SDK2: variants seen among roughly 807,000 people sequenced by gnomAD.
SDK2 encodes the protein protein sidekick-2.
A neutral mutation model predicts 253.9 loss-of-function variants in SDK2; 105 were observed. That is an observed-to-expected ratio of 0.41 (90% CI 0.35 to 0.49). The LOEUF (loss-of-function observed/expected upper bound fraction) is 0.49. SDK2 is among the 20% of genes least tolerant of loss of function. The pLI, the probability that SDK2 is intolerant of heterozygous loss-of-function variation, is 0.06. For synonymous variants in SDK2, 1,249 were observed against 1,234.9 expected (o/e 1.01, Z -0.24); for missense variants, 2,608 against 3,003.0 (o/e 0.87, Z 3.07).
chr17:73,495,482 G>T (rs1373405565), intron 2 of SDK2, among the ~76,000 whole-genome samples: 4 of 152,216 alleles, frequency 2.6e-5, no homozygotes, highest in Non-Finnish European at 4.4e-5. Context: ...CAGTGCTGAG[G>T]CTGAGAAGCC....
chr17:73,509,758 G>A (rs1484824495), intron 1 of SDK2, among the ~76,000 whole-genome samples: 2 of 150,880 alleles, frequency 1.3e-5, no homozygotes, highest in Admixed American at 6.6e-5. Context: ...AAATTAGCTG[G>A]GCATGGTGGC....
At chr17:73,347,351 A>G (rs1196394839) in intron 44 of SDK2, among the ~76,000 whole-genome samples, 2 of 152,168 alleles carry the variant, frequency 1.3e-5, no homozygotes, top group Non-Finnish European at 2.9e-5. Flanking sequence ...CTGGCTTAAC[A>G]ACAAAAAAAC....
At position 73,454,552 on chromosome 17, in the gene SDK2, G is replaced by A. The variant is rs1023723315; in HGVS notation, c.479+1354C>T. Among the ~76,000 whole-genome samples the A allele has an allele frequency of 2.8e-4, 42 of 152,312 alleles. 1 individual carries two copies. The highest frequency in any genetic ancestry group is 8.4e-4 in the African/African-American group (35 of 41,564). ...CGCCTCCTTTCTGCAGGTGCTCTGC[G>A]GACTGGAAGGAGAACGAGATTGAGA... On this transcript the variant is annotated intron_variant, in intron 4 of 44. Transcript: ENST00000392650.
In SDK2 at chr17:73,447,486, C is replaced by G; in HGVS notation, c.613+129G>C. On this transcript the variant is annotated intron_variant, in intron 5 of 44. Coordinates refer to ENST00000392650, the MANE Select transcript of SDK2 (RefSeq NM_001144952.2). The surrounding 1 kb of genome is among the most constrained non-coding windows in gnomAD (Gnocchi z 4.0). ...TGTCTCGTCCTCCTTGGGAAGGCTC[C>G]CCCCGGCCGTCCCCTAGCTTCCCTG... 1 of 1,349,174 alleles carries G rather than the reference C, an allele frequency of 7.4e-7. No individual in the cohort carries two copies. Among genetic ancestry groups the G allele is most frequent in the Non-Finnish European group, 1.0e-6 (1 of 982,068 alleles). 83.6% of individuals were successfully genotyped at this position (1,349,174 alleles called of 1,614,324 possible). A position where few individuals can be genotyped will look rare whatever the true frequency, so the allele number is the denominator to read the frequency against.
At chr17:73,348,566 C>A in intron 44 of SDK2, 33 bp downstream of exon 44, 1 of 1,607,100 alleles carries the variant, frequency 6.2e-7, no homozygotes, top group East Asian at 2.2e-5. Context: ...TGCTCCCTGC[C>A]CCCTGCAGGA....
At chr17:73,373,097 C>T (rs1485394566) in intron 36 of SDK2, among the ~76,000 whole-genome samples, 2 of 152,218 alleles carry the variant, frequency 1.3e-5, no homozygotes, top group Non-Finnish European at 2.9e-5. Context: ...ATTTTAGATT[C>T]CACATATACG....
Position 73,388,053 on chromosome 17 carries a change from G to C in SDK2, c.4193-16C>G, listed in dbSNP as rs530048377. On this transcript the variant is annotated splice_polypyrimidine_tract_variant and intron_variant, in intron 29 of 44. Coordinates refer to ENST00000392650, the MANE Select transcript of SDK2 (RefSeq NM_001144952.2). ...TGCGGACGGTCTGGGAGGTGGCAGAGGGGGAGGAGCAGGTGAGTGGGCCAG... is the reference window on the plus strand; with the variant it reads ...TGCGGACGGTCTGGGAGGTGGCAGACGGGGAGGAGCAGGTGAGTGGGCCAG... The C allele has an allele frequency of 2.1e-5, 33 of 1,555,482 alleles. No individual in the cohort carries two copies. The highest frequency in any genetic ancestry group is 1.9e-4 in the East Asian group (8 of 41,762).
intron 31 of SDK2, among the ~76,000 whole-genome samples, 166 bp from the exon 32 acceptor site, chr17:73,386,083 G>C (rs940660628): frequency 6.6e-6 from 1 of 152,292 alleles, no homozygotes; most frequent in East Asian, 1.9e-4. Context: ...CTGGTGTAAA[G>C]GGGAGGGAGG....
At position 73,488,973 on chromosome 17, in the gene SDK2, G is replaced by A. The variant is rs188393638; in HGVS notation, c.225-16755C>T. Among the ~76,000 whole-genome samples the A allele has an allele frequency of 1.6e-4, 25 of 152,238 alleles. No individual in the cohort carries two copies. The East Asian group carries it at 4.1e-3, about 25-fold the overall frequency. On this transcript the variant is annotated intron_variant, in intron 2 of 44. Transcript: ENST00000392650. ...GTGCTTAGCACAGCGCTTGACGTTC[G>A]GTAAGCAGTCACGAAATGTGTCCTT...
At chr17:73,530,682 T>C (rs1036143500) in intron 1 of SDK2, among the ~76,000 whole-genome samples, 2 of 152,204 alleles carry the variant, frequency 1.3e-5, no homozygotes, top group Admixed American at 1.3e-4. Context: ...TGCATCCCTT[T>C]CACCTGGTCT....
In SDK2 at chr17:73,541,219, G is replaced by A. The variant is rs118058659; in HGVS notation, c.65-33622C>T. Among the ~76,000 whole-genome samples, 5 of 152,342 alleles carry A rather than the reference G, an allele frequency of 3.3e-5. No homozygotes were observed. In the East Asian group the frequency reaches 5.8e-4, roughly 18 times the overall value. On this transcript the variant is annotated intron_variant, in intron 1 of 44. Coordinates refer to ENST00000392650, the MANE Select transcript of SDK2 (RefSeq NM_001144952.2). The surrounding 1 kb of genome is among the most constrained non-coding windows in gnomAD (Gnocchi z 4.3). ...CCAGAGGGCTGGGGCAGCAGTGAAGGGAGGTGCCCGGGGGGCTGCAGGGGA... is the reference window on the plus strand; with the variant it reads ...CCAGAGGGCTGGGGCAGCAGTGAAGAGAGGTGCCCGGGGGGCTGCAGGGGA...
intron 6 of SDK2, among the ~76,000 whole-genome samples, chr17:73,438,560 T>C (rs753466459): frequency 5.9e-4 from 89 of 151,720 alleles, no homozygotes; most frequent in South Asian, 2.1e-4. Flanking sequence ...ACGGAGGAGA[T>C]GAAGGTGAGG....
chr17:73,399,843 A>C (rs1474088032), intron 21 of SDK2, among the ~76,000 whole-genome samples: 1 of 152,154 alleles, frequency 6.6e-6, no homozygotes, highest in African/African-American at 2.4e-5. Flanking sequence ...AATGAGTTTA[A>C]ATCTAACTCC....
intron 36 of SDK2, chr17:73,369,103 A>G: frequency 6.5e-6 from 3 of 462,720 alleles, no homozygotes; most frequent in Non-Finnish European, 1.4e-5. Context: ...GCCAGACAGT[A>G]AACTCCAGGG....
At chr17:73,357,555 C>G in intron 40 of SDK2, 1 of 237,674 alleles carries the variant, frequency 4.2e-6, no homozygotes. Context: ...TGGGTGAAAC[C>G]GGAGCAGTGG....
intron 4 of SDK2, among the ~76,000 whole-genome samples, chr17:73,454,508 A>C (rs1223628215): frequency 1.3e-5 from 2 of 152,150 alleles, no homozygotes; most frequent in African/African-American, 4.8e-5. Context: ...GGTTGTTGTG[A>C]GGGTCATTCA....
rs765812230 is a variant in SDK2, at chr17:73,438,055, G to A, written c.825C>T (p.Thr275=). The change falls in exon 7 of 45, where the codon ACC becomes ACT. Residue 275 remains threonine, a synonymous_variant. Transcript: ENST00000392650. The part of the protein sequence containing the change: ...HNRRLTIPNP[T]GSDAGYYECE... ...ACTCGTAGTAGCCGGCGTCACTGCC[G>A]GTGGGGTTGGGGATGGTGAGCCGGC... 7.7e-6 allele frequency: 12 copies of A among 1,551,574 alleles called. No individual in the cohort carries two copies. The highest frequency in any genetic ancestry group is 5.5e-5 in the African/African-American group (4 of 73,060).
intron 44 of SDK2, among the ~76,000 whole-genome samples, chr17:73,343,773 A>C (rs1255164570): frequency 6.6e-6 from 1 of 152,214 alleles, no homozygotes; most frequent in Non-Finnish European, 1.5e-5. Flanking sequence ...TCCAGCCCAA[A>C]GGATCTGGCA....
At position 73,379,636 on chromosome 17, in the gene SDK2, G is replaced by A; in HGVS notation, c.4763-87C>T. 8.9e-6 allele frequency: 7 copies of A among 785,118 alleles called. No individual in the cohort carries two copies. Among genetic ancestry groups the A allele is most frequent in the Non-Finnish European group, 1.5e-5 (7 of 478,002 alleles). 48.6% of individuals were successfully genotyped at this position (785,118 alleles called of 1,614,324 possible). On this transcript the variant is annotated intron_variant, in intron 34 of 44. Coordinates refer to ENST00000392650, the MANE Select transcript of SDK2 (RefSeq NM_001144952.2). This position sits in a 1 kb window ranked among gnomAD's most constrained non-coding sequence, Gnocchi z 4.5. Reference sequence around the variant, plus strand: ...CCCCAGGGAGGGTGGAGGCTGCAGGGGGAGGAATGAGGCACCCCCGCCATT... The same window carrying A: ...CCCCAGGGAGGGTGGAGGCTGCAGGAGGAGGAATGAGGCACCCCCGCCATT...
Sources: allele counts gnomAD v4.1 joint callset (sites outside exome capture counted in the v4.1 genomes callset), GRCh38; gene constraint gnomAD v4.1.1; non-coding constraint Gnocchi (gnomAD v3.1); transcripts MANE v1.5; gene names NCBI Gene and HGNC (gene_info 2026-07-23, HGNC 2026-07-21).